Variants in GALNT13 observed in about 807,000 individuals in gnomAD.
GALNT13 encodes the protein polypeptide N-acetylgalactosaminyltransferase 13, also known as UDP-GalNAc:polypeptide N-acetylgalactosaminyltransferase 13.
In GALNT13, 28 loss-of-function variants were observed where a neutral mutation model predicts 64.2. The ratio of observed to expected loss-of-function variants is 0.44; its 90% confidence interval spans 0.32 to 0.60. GALNT13 has a LOEUF of 0.60. Among genes scored for constraint, GALNT13 ranks in the 20% least tolerant of loss-of-function variants. The probability of loss-of-function intolerance (pLI) is 0.05; values close to 1 mark genes in which losing one functional copy is unlikely to be tolerated. For synonymous variants in GALNT13, 214 were observed against 224.6 expected (o/e 0.95, Z 0.42); for missense variants, 577 against 669.8 (o/e 0.86, Z 1.53).
At chr2:153,547,458 A>G in the GALNT13 span, among the ~76,000 whole-genome samples, 2 of 152,250 alleles carry the variant, frequency 1.3e-5, no homozygotes, top group Non-Finnish European at 1.5e-5. Context: ...TCCAAGGCTG[A>G]GAAATTGGAA....
chr2:153,259,653 G>A, the GALNT13 span, among the ~76,000 whole-genome samples: 1 of 152,022 alleles, frequency 6.6e-6, no homozygotes, highest in African/African-American at 2.4e-5. Context: ...CCTGCACACG[G>A]TCTCTTCCCT....
At chr2:154,182,523 C>T (rs1437683412) in intron 4 of GALNT13, among the ~76,000 whole-genome samples, 1 of 151,624 alleles carries the variant, frequency 6.6e-6, no homozygotes, top group Non-Finnish European at 1.5e-5. Context: ...CAGTAGTTCT[C>T]AAACATTCAT....
intron 9 of GALNT13, among the ~76,000 whole-genome samples, chr2:154,383,803 A>G (rs1244806619): frequency 6.6e-6 from 1 of 151,914 alleles, no homozygotes; most frequent in African/African-American, 2.4e-5. Context: ...AATATAAAAT[A>G]TATATCTGAA....
At chr2:153,422,433 G>C in the GALNT13 span, among the ~76,000 whole-genome samples, 2,374 of 152,246 alleles carry the variant, frequency 0.016, 67 homozygotes, top group African/African-American at 0.054. Flanking sequence ...GGGGTACATG[G>C]TTTATTTACA....
intron 3 of GALNT13, among the ~76,000 whole-genome samples, chr2:154,010,985 C>T (rs1452783419): frequency 6.6e-6 from 1 of 151,302 alleles, no homozygotes; most frequent in East Asian, 1.9e-4. Context: ...TTTGGATCTT[C>T]TCTGTTTTTT....
At chr2:154,030,398 T>G (rs2105304560) in intron 3 of GALNT13, among the ~76,000 whole-genome samples, 1 of 152,146 alleles carries the variant, frequency 6.6e-6, no homozygotes, top group Admixed American at 6.6e-5. Context: ...AAAACAACTC[T>G]CAACTCCGAA....
chr2:153,666,320 C>A, the GALNT13 span, among the ~76,000 whole-genome samples: 1 of 152,150 alleles, frequency 6.6e-6, no homozygotes, highest in African/African-American at 2.4e-5. Flanking sequence ...GACCCTGATA[C>A]CACACTGTCT....
chr2:154,372,747 G>A (rs776781441), intron 9 of GALNT13, among the ~76,000 whole-genome samples: 3 of 151,920 alleles, frequency 2.0e-5, no homozygotes, highest in Non-Finnish European at 4.4e-5. Context: ...TAGTGAAATT[G>A]TCTGTGATTA....
intron 11 of GALNT13, among the ~76,000 whole-genome samples, chr2:154,438,249 A>G (rs1187709551): frequency 6.6e-6 from 1 of 152,244 alleles, no homozygotes; most frequent in Non-Finnish European, 1.5e-5. Context: ...GACTGCCTTC[A>G]CTGAGCTCCA....
chr2:153,527,408 A>T, the GALNT13 span, among the ~76,000 whole-genome samples: 1 of 152,298 alleles, frequency 6.6e-6, no homozygotes, highest in East Asian at 1.9e-4. Flanking sequence ...TGCGGAAGGA[A>T]AAAGACTTTT....
At chr2:153,527,808 T>C in the GALNT13 span, among the ~76,000 whole-genome samples, 1 of 152,140 alleles carries the variant, frequency 6.6e-6, no homozygotes, top group African/African-American at 2.4e-5. Context: ...ACAGTTTTTA[T>C]TGGTTTTCTT....
chr2:153,362,848 A>G, the GALNT13 span, among the ~76,000 whole-genome samples: 2 of 152,178 alleles, frequency 1.3e-5, no homozygotes, highest in Admixed American at 1.3e-4. Flanking sequence ...TAACAAGGAT[A>G]TTCAGGACTT....
the GALNT13 span, among the ~76,000 whole-genome samples, chr2:153,328,781 C>T: frequency 6.6e-6 from 1 of 152,046 alleles, no homozygotes; most frequent in South Asian, 2.1e-4. Context: ...CCACTCGGCT[C>T]CCTAGCTTCA....
chr2:153,699,722 A>T, the GALNT13 span, among the ~76,000 whole-genome samples: 1 of 152,232 alleles, frequency 6.6e-6, no homozygotes, highest in Admixed American at 6.5e-5. Context: ...ACCTCTATGC[A>T]AATAACCTAG....
At chr2:153,983,429 G>T (rs1335351093) in intron 3 of GALNT13, among the ~76,000 whole-genome samples, 1 of 151,734 alleles carries the variant, frequency 6.6e-6, no homozygotes, top group African/African-American at 2.4e-5. Context: ...TTAAGTATTA[G>T]AAACCACAAC....
chr2:154,238,300 A>G (rs1234278966), intron 4 of GALNT13, among the ~76,000 whole-genome samples: 1 of 152,062 alleles, frequency 6.6e-6, no homozygotes, highest in African/African-American at 2.4e-5. Flanking sequence ...AGAAACTTCA[A>G]ATCTACAGGA....
the GALNT13 span, among the ~76,000 whole-genome samples, chr2:153,799,139 A>G: frequency 2.6e-5 from 4 of 152,130 alleles, no homozygotes; most frequent in Non-Finnish European, 5.9e-5. Context: ...ATAAGAAGAA[A>G]CACAGATATA....
At chr2:153,487,358 G>A in the GALNT13 span, among the ~76,000 whole-genome samples, 5 of 152,180 alleles carry the variant, frequency 3.3e-5, no homozygotes, top group Admixed American at 6.5e-5. Flanking sequence ...GATGGATGTC[G>A]TTGGGCCAGT....
chr2:153,081,664 T>C, the GALNT13 span, among the ~76,000 whole-genome samples: 3 of 152,194 alleles, frequency 2.0e-5, no homozygotes, highest in African/African-American at 2.4e-5. Context: ...TAGTGATTTC[T>C]AGTTCCATCC....
Sources: gnomAD v4.1 joint callset for allele counts (sites outside exome capture counted in the v4.1 genomes callset) on GRCh38, gnomAD v4.1.1 for gene constraint, MANE v1.5 for transcripts, NCBI Gene and HGNC (gene_info 2026-07-23, HGNC 2026-07-21) for gene names.